Variants in PUDP observed in about 807,000 individuals in gnomAD.
PUDP encodes the protein pseudouridine-5'-phosphatase.
In PUDP, 8 loss-of-function variants were observed where a neutral mutation model predicts 9.4. The ratio of observed to expected loss-of-function variants is 0.85; its 90% confidence interval spans 0.50 to 1.53. PUDP has a LOEUF of 1.53. Among genes scored for constraint, PUDP ranks in the 40% most tolerant of loss-of-function variants. The pLI, the probability that PUDP is intolerant of heterozygous loss-of-function variation, is 0.00. For synonymous variants in PUDP, 99 were observed against 80.7 expected, an observed-to-expected ratio of 1.23 and a Z score of -1.22; for missense variants, 188 against 189.7, an observed-to-expected ratio of 0.99 and a Z score of 0.05.
chrX:7,125,883 G>C (rs1201957211), intron 1 of PUDP, among the ~76,000 whole-genome samples: 1 of 110,367 alleles, frequency 9.1e-6, no homozygotes, highest in Non-Finnish European at 1.9e-5. Flanking sequence ...CCTCCCACCA[G>C]GTCCCTCCCA....
intron 1 of PUDP, among the ~76,000 whole-genome samples, chrX:7,031,919 G>T (rs1302757385): frequency 1.1e-4 from 12 of 111,959 alleles, no homozygotes; most frequent in Non-Finnish European, 9.4e-5. Context: ...ATCATAAATT[G>T]TGCTTCATCA....
intron 3 of PUDP, among the ~76,000 whole-genome samples, chrX:6,888,903 C>G (rs1429954738): frequency 8.9e-6 from 1 of 111,810 alleles, no homozygotes; most frequent in East Asian, 2.8e-4. Flanking sequence ...CAGATCGCCC[C>G]TGACGAGATA....
chrX:6,972,849 G>T (rs1261869302), intron 3 of PUDP, among the ~76,000 whole-genome samples: 1 of 111,630 alleles, frequency 9.0e-6, no homozygotes, highest in Non-Finnish European at 1.9e-5. Flanking sequence ...GGCTGTTTTT[G>T]GTTGGTAAGC....
intron 3 of PUDP, among the ~76,000 whole-genome samples, chrX:6,782,444 C>T (rs756711315): frequency 2.8e-4 from 31 of 111,358 alleles, no homozygotes; most frequent in African/African-American, 1.0e-3. Context: ...GTGGCAGGTG[C>T]CTGTAATCCC....
At chrX:6,917,946 T>C (rs1311064807) in intron 3 of PUDP, among the ~76,000 whole-genome samples, 1 of 111,830 alleles carries the variant, frequency 8.9e-6, no homozygotes, top group South Asian at 3.7e-4. Context: ...CCAGAGTCCT[T>C]CCTCCTTTGA....
rs201307549 is a variant in PUDP, at chrX:6,982,388, TGGGC to T, written c.205-4049_205-4046del. 1.2e-3 allele frequency among the ~76,000 whole-genome samples: 129 copies of T among 110,966 alleles called. 1 individual carries two copies. The East Asian group carries it at 0.033, about 29-fold the overall frequency. On this transcript the variant is annotated intron_variant and NMD_transcript_variant, in intron 1 of 3. Transcript: ENST00000655425. Reference sequence around the variant, plus strand: ...TGGAGGTTTTTCCAAGATAGTTTGGTGGGCAGGGACTAGTGTAGGGGGCATGCTA... The same window carrying T: ...TGGAGGTTTTTCCAAGATAGTTTGGTAGGGACTAGTGTAGGGGGCATGCTA...
intron 3 of PUDP, among the ~76,000 whole-genome samples, chrX:6,809,720 G>A (rs1926111335): frequency 9.0e-6 from 1 of 111,048 alleles, no homozygotes; most frequent in Admixed American, 9.6e-5. Context: ...TGCAAACCAC[G>A]ATATAAATGA....
At chrX:7,074,251 C>T (rs1930828301) in intron 3 of PUDP, among the ~76,000 whole-genome samples, 1 of 112,360 alleles carries the variant, frequency 8.9e-6, no homozygotes, top group African/African-American at 3.2e-5. Flanking sequence ...CCTATGGTCC[C>T]AGCTACTTGG....
chrX:6,736,471 A>C (rs1322997885), intron 3 of PUDP, among the ~76,000 whole-genome samples: 11 of 112,155 alleles, frequency 9.8e-5, no homozygotes, highest in African/African-American at 2.9e-4. Flanking sequence ...AATCATGTGT[A>C]TCCTTACAAG....
intron 3 of PUDP, among the ~76,000 whole-genome samples, chrX:6,797,421 T>A (rs998767798): frequency 9.0e-6 from 1 of 111,481 alleles, no homozygotes; most frequent in Non-Finnish European, 1.9e-5. Flanking sequence ...TAATGGTGCA[T>A]GACTCCCGCA....
At chrX:7,103,721 T>C (rs2146896099) in intron 2 of PUDP, among the ~76,000 whole-genome samples, 1 of 111,700 alleles carries the variant, frequency 9.0e-6, no homozygotes, top group Admixed American at 9.4e-5. Flanking sequence ...AACACAAAAA[T>C]CAAAAATAAG....
intron 3 of PUDP, among the ~76,000 whole-genome samples, chrX:6,900,404 G>A (rs937148357): frequency 4.6e-5 from 5 of 107,616 alleles, no homozygotes; most frequent in Admixed American, 1.0e-4. Flanking sequence ...TGCACAGGAT[G>A]CTCCCCGCCT....
intron 1 of PUDP, among the ~76,000 whole-genome samples, chrX:6,990,918 G>A (rs771470146): frequency 8.9e-6 from 1 of 112,260 alleles, no homozygotes; most frequent in South Asian, 3.7e-4. Context: ...TCCTGGTTTC[G>A]GGTGACTCCA....
At chrX:6,877,720 G>A (rs1927286101) in intron 3 of PUDP, among the ~76,000 whole-genome samples, 1 of 111,911 alleles carries the variant, frequency 8.9e-6, no homozygotes, top group South Asian at 3.7e-4. Flanking sequence ...GACTAAGCTT[G>A]TTACGAGTAA....
rs750088337 is a variant in PUDP, at chrX:6,783,063, G to C, written c.*248-76597C>G. 1.7e-4 allele frequency among the ~76,000 whole-genome samples: 19 copies of C among 111,631 alleles called. No homozygotes were observed. The East Asian group carries it at 5.4e-3, about 32-fold the overall frequency. ...CTGGGCTGCATTCCCAGAAAGTTAG[G>C]TGTTCCTAGCCTCTAGATGTTTACA... On this transcript the variant is annotated intron_variant and NMD_transcript_variant, in intron 3 of 3. Coordinates refer to the PUDP transcript ENST00000655425.
chrX:6,980,119 T>C (rs1929012074), intron 1 of PUDP, among the ~76,000 whole-genome samples: 1 of 105,793 alleles, frequency 9.5e-6, no homozygotes, highest in African/African-American at 3.5e-5. Context: ...CCTTCCTTCC[T>C]TTCCTTTCTT....
chrX:7,012,480 C>A (rs1033366399), intron 1 of PUDP, among the ~76,000 whole-genome samples: 2 of 111,726 alleles, frequency 1.8e-5, no homozygotes, highest in African/African-American at 6.5e-5. Context: ...CACTGCCGCA[C>A]GCTCAGATGA....
intron 3 of PUDP, among the ~76,000 whole-genome samples, chrX:6,795,312 T>C (rs1409885401): frequency 2.7e-5 from 3 of 112,158 alleles, no homozygotes; most frequent in African/African-American, 9.7e-5. Context: ...AGTTTCAGGC[T>C]AACAAGTTAG....
rs778776543 is a variant in PUDP, at chrX:6,751,499, C to G, written c.*248-45033G>C. Among the ~76,000 whole-genome samples the G allele has an allele frequency of 3.6e-5, 4 of 111,717 alleles. No individual in the cohort carries two copies. In the East Asian group the frequency reaches 8.5e-4, roughly 24 times the overall value. ...TTTATTTAGTAAACACCCTGTTCAT[C>G]AGTACTTGAGCAATGAAAAATACCA... On this transcript the variant is annotated intron_variant and NMD_transcript_variant, in intron 3 of 3. Coordinates refer to the PUDP transcript ENST00000655425.
Sources: allele counts gnomAD v4.1 joint callset (sites outside exome capture counted in the v4.1 genomes callset), GRCh38; gene constraint gnomAD v4.1.1; transcripts MANE v1.5; gene names NCBI Gene and HGNC (gene_info 2026-07-23, HGNC 2026-07-21).